The following PIEZO2 variants were observed in gnomAD, a reference collection of about 807,000 sequenced individuals.
The protein encoded by PIEZO2 is piezo-type mechanosensitive ion channel component 2.
In PIEZO2, 172 loss-of-function variants were observed where a neutral mutation model predicts 337.3. That is an observed-to-expected ratio of 0.51 (90% CI 0.45 to 0.58). The LOEUF is 0.58. Among genes scored for constraint, PIEZO2 ranks in the 20% least tolerant of loss-of-function variants. PIEZO2 has a pLI of 0.00. For missense variants in PIEZO2, 3,028 were observed against 3,391.3 expected (o/e 0.89, Z 2.66); for synonymous variants, 1,251 against 1,228.5 (o/e 1.02, Z -0.38).
Position 11,126,631 on chromosome 18 carries a change from AT to A in PIEZO2, c.64+21893del, listed in dbSNP as rs10713072. ...CAAGAGCAGGAGCCATGCCTTACAT[AT>A]TTTTTTTTTTTTGTATTCCCAGAAT... is the stretch of plus-strand genomic sequence containing the variant. On this transcript the variant is annotated intron_variant, in intron 1 of 55. Coordinates refer to ENST00000674853, the MANE Select transcript of PIEZO2 (RefSeq NM_001378183.1). This position sits in a 1 kb window ranked among gnomAD's most constrained non-coding sequence, Gnocchi z 4.6. Among the ~76,000 whole-genome samples the A allele has an allele frequency of 0.041, 5,983 of 145,072 alleles. 102 individuals carry two copies. Among genetic ancestry groups the A allele is most frequent in the South Asian group, 0.057 (257 of 4,524 alleles).
chr18:11,131,890 C>T lies in PIEZO2; in HGVS notation c.64+16635G>A, dbSNP rs2040351303. 6.6e-6 allele frequency among the ~76,000 whole-genome samples: 1 copy of T among 152,158 alleles called. No individual in the cohort carries two copies. Among genetic ancestry groups the T allele is most frequent in the South Asian group, 2.1e-4 (1 of 4,830 alleles). On this transcript the variant is annotated intron_variant, in intron 1 of 55. Transcript: ENST00000674853. The surrounding 1 kb of genome is among the most constrained non-coding windows in gnomAD (Gnocchi z 5.3). ...GACACCACTCAGCCTCTTTCCCCAGCCACCCAATGGGCCCATGAACAAAGG... is the reference window on the plus strand; with the variant it reads ...GACACCACTCAGCCTCTTTCCCCAGTCACCCAATGGGCCCATGAACAAAGG...
At chr18:10,756,690 A>G (rs988546625) in intron 27 of PIEZO2, among the ~76,000 whole-genome samples, 1 of 150,538 alleles carries the variant, frequency 6.6e-6, no homozygotes, top group Non-Finnish European at 1.5e-5. Flanking sequence ...ATGCAGGATG[A>G]GAAGGAGAAA....
chr18:11,000,830 A>G (rs2035506070), intron 2 of PIEZO2, among the ~76,000 whole-genome samples: 2 of 152,150 alleles, frequency 1.3e-5, no homozygotes, highest in Non-Finnish European at 2.9e-5. Flanking sequence ...GAGGCAAAAG[A>G]GAAGCTGAAC....
intron 17 of PIEZO2, among the ~76,000 whole-genome samples, chr18:10,782,739 T>C (rs140249807): frequency 0.042 from 6,363 of 151,600 alleles, 164 homozygotes; most frequent in Non-Finnish European, 0.062. Flanking sequence ...TTCTCTGCCA[T>C]GGGGTGCAGG....
chr18:10,671,474 C>T lies in PIEZO2; in HGVS notation c.*53G>A. ...GCTTAGCTCTTATGAGAATATTGTG[C>T]TTTTAAAAAAAATTCAAATGTTAAC... is the stretch of plus-strand genomic sequence containing the variant. On this transcript the variant is annotated 3_prime_UTR_variant, in exon 56 of 56. Coordinates refer to ENST00000674853, the MANE Select transcript of PIEZO2 (RefSeq NM_001378183.1). 6 of 1,548,388 alleles carry T rather than the reference C, an allele frequency of 3.9e-6. No individual in the cohort carries two copies. The highest frequency in any genetic ancestry group is 5.2e-6 in the Non-Finnish European group (6 of 1,143,778).
In PIEZO2 at chr18:11,035,200, T is replaced by C. The variant is rs2036881733; in HGVS notation, c.160+30927A>G. ...CTTGTTGAAATGTGATCCCCAATAT[T>C]GGACATGGGGCCTGGTGGGAGGTGT... On this transcript the variant is annotated intron_variant, in intron 2 of 55. Coordinates refer to ENST00000674853, the MANE Select transcript of PIEZO2 (RefSeq NM_001378183.1). This position sits in a 1 kb window ranked among gnomAD's most constrained non-coding sequence, Gnocchi z 4.3. 6.6e-6 allele frequency among the ~76,000 whole-genome samples: 1 copy of C among 152,192 alleles called. No individual in the cohort carries two copies. Among genetic ancestry groups the C allele is most frequent in the Non-Finnish European group, 1.5e-5 (1 of 68,042 alleles).
intron 2 of PIEZO2, among the ~76,000 whole-genome samples, chr18:11,000,784 G>A (rs553594248): frequency 7.6e-4 from 116 of 152,296 alleles, no homozygotes; most frequent in African/African-American, 2.7e-3. Flanking sequence ...GGTGGCTCCC[G>A]GCAGGGACAC....
rs2039110785 is a variant in PIEZO2, at chr18:11,092,111, G to T, written c.65-25889C>A. On this transcript the variant is annotated intron_variant, in intron 1 of 55. Transcript: ENST00000674853. This position sits in a 1 kb window ranked among gnomAD's most constrained non-coding sequence, Gnocchi z 4.5. ...GTGGCTAAAAGGGTATTTTTTGAAA[G>T]GTTGTCTGCTACCTGACTATAGAAA... 6.6e-6 allele frequency among the ~76,000 whole-genome samples: 1 copy of T among 152,190 alleles called. No homozygotes were observed. The highest frequency in any genetic ancestry group is 1.5e-5 in the Non-Finnish European group (1 of 68,028).
At position 11,031,366 on chromosome 18, in the gene PIEZO2, A is replaced by G. The variant is rs1015878938; in HGVS notation, c.160+34761T>C. Among the ~76,000 whole-genome samples the G allele has an allele frequency of 6.6e-6, 1 of 151,736 alleles. No homozygotes were observed. The highest frequency in any genetic ancestry group is 6.6e-5 in the Admixed American group (1 of 15,226). On this transcript the variant is annotated intron_variant, in intron 2 of 55. Transcript: ENST00000674853. This position sits in a 1 kb window ranked among gnomAD's most constrained non-coding sequence, Gnocchi z 4.7. ...TTACAGTTGTCTCCCCAGAAAACAC[A>G]TTTCCTACGTCATTACTTTTGAAAG...
intron 21 of PIEZO2, among the ~76,000 whole-genome samples, chr18:10,769,470 CTT>C (rs1284382402): frequency 6.6e-6 from 1 of 152,190 alleles, no homozygotes; most frequent in African/African-American, 2.4e-5. Context: ...ATATATGTAA[CTT>C]TTTAAAGATT....
chr18:11,134,129 T>C (rs2040415153), intron 1 of PIEZO2, among the ~76,000 whole-genome samples: 1 of 152,114 alleles, frequency 6.6e-6, no homozygotes, highest in Admixed American at 6.5e-5. Flanking sequence ...AGAAGGGACA[T>C]TACAGAGAAA....
chr18:10,995,114 C>T (rs1268944668), intron 2 of PIEZO2, among the ~76,000 whole-genome samples: 3 of 129,354 alleles, frequency 2.3e-5, no homozygotes, highest in Non-Finnish European at 3.3e-5. Flanking sequence ...GTTCCCTGCT[C>T]ATCATATCCA....
At chr18:10,710,407 A>G (rs2035771094) in intron 39 of PIEZO2, among the ~76,000 whole-genome samples, 1 of 152,200 alleles carries the variant, frequency 6.6e-6, no homozygotes, top group Non-Finnish European at 1.5e-5. Flanking sequence ...GCACCACAGG[A>G]ACACACAGCA....
Position 10,760,915 on chromosome 18 carries a change from A to T in PIEZO2, c.3446T>A (p.Leu1149Gln). ...CATATCAGCAAGGAAACTCACCTCC[A>T]GACCAAACTTGTAAAAGAAGTAATT... ...FINYFFYKFG[L>Q]ETCFLMSVNV... is the part of the protein sequence containing the mutation. The change falls in exon 24 of 56, where the codon CTG becomes CAG. Residue 1149 changes from leucine to glutamine, a missense_variant. Leu to Gln is a moderately radical substitution (Grantham distance 113). Transcript: ENST00000674853. The T allele has an allele frequency of 6.5e-7, 1 of 1,528,666 alleles. No homozygotes were observed. Among genetic ancestry groups the T allele is most frequent in the Non-Finnish European group, 8.8e-7 (1 of 1,140,414 alleles). The allele number at this position is 1,528,666 out of a possible 1,614,324, so 94.7% of individuals were successfully genotyped here.
chr18:11,000,487 G>A (rs964819318), intron 2 of PIEZO2, among the ~76,000 whole-genome samples: 2 of 152,196 alleles, frequency 1.3e-5, no homozygotes, highest in African/African-American at 4.8e-5. Flanking sequence ...GTGCTGCAGA[G>A]TATAGGGGAA....
chr18:10,733,237 T>C (rs192826983), intron 35 of PIEZO2, among the ~76,000 whole-genome samples: 1 of 152,242 alleles, frequency 6.6e-6, no homozygotes, highest in Non-Finnish European at 1.5e-5. Flanking sequence ...AATTGAGGTA[T>C]GCAAACTGGG....
intron 47 of PIEZO2, among the ~76,000 whole-genome samples, chr18:10,693,269 ACAGC>A (rs1221662431): frequency 6.6e-6 from 1 of 152,010 alleles, no homozygotes; most frequent in Non-Finnish European, 1.5e-5. Flanking sequence ...ATAACTTCTG[ACAGC>A]CTTATTGTAG....
intron 2 of PIEZO2, among the ~76,000 whole-genome samples, chr18:11,059,305 C>T (rs963180037): frequency 4.7e-4 from 71 of 152,160 alleles, no homozygotes; most frequent in African/African-American, 1.5e-3. Flanking sequence ...CAAAAACATG[C>T]CAAATTGTAA....
chr18:10,927,069 C>A (rs1391746531), intron 3 of PIEZO2, among the ~76,000 whole-genome samples: 2 of 152,178 alleles, frequency 1.3e-5, no homozygotes, highest in Non-Finnish European at 2.9e-5. Context: ...GCGTTTCTGA[C>A]CTGGGTCACA....
Sources: allele counts gnomAD v4.1 joint callset (sites outside exome capture counted in the v4.1 genomes callset), GRCh38; gene constraint gnomAD v4.1.1; non-coding constraint Gnocchi (gnomAD v3.1); transcripts MANE v1.5; gene names NCBI Gene and HGNC (gene_info 2026-07-23, HGNC 2026-07-21).